NDUFV1: variants seen among roughly 807,000 people sequenced by gnomAD.
The protein encoded by NDUFV1 is NADH:ubiquinone oxidoreductase core subunit V1.
A neutral mutation model predicts 48.7 loss-of-function variants in NDUFV1; 41 were observed. That is an observed-to-expected ratio of 0.84 (90% CI 0.66 to 1.09). The LOEUF (loss-of-function observed/expected upper bound fraction) is 1.09, where lower values mean the gene tolerates loss of function less well. Among genes scored for constraint, NDUFV1 ranks in the 50% least tolerant of loss-of-function variants. NDUFV1 has a pLI of 0.00. For synonymous variants in NDUFV1, 231 were observed against 259.1 expected (o/e 0.89, Z 1.04); for missense variants, 580 against 645.4 (o/e 0.90, Z 1.10).
In NDUFV1 at chr11:67,612,110, G is replaced by A. The variant is rs753770234; in HGVS notation, c.1163-10G>A. On this transcript the variant is annotated splice_polypyrimidine_tract_variant and intron_variant, in intron 8 of 9. Transcript: ENST00000322776. This position sits in a 1 kb window ranked among gnomAD's most constrained non-coding sequence, Gnocchi z 4.4. ...GATCATCAGGCCCTCTCTTGTGGCTGTGGCTGCAGGTGTGGACTGGATGAA... is the reference window on the plus strand; with the variant it reads ...GATCATCAGGCCCTCTCTTGTGGCTATGGCTGCAGGTGTGGACTGGATGAA... 15 of 1,613,692 alleles carry A rather than the reference G, an allele frequency of 9.3e-6. No individual in the cohort carries two copies. The African/African-American group carries it at 1.9e-4, about 20-fold the overall frequency.
chr11:67,612,179 G>A lies in NDUFV1; in HGVS notation c.1222G>A (p.Glu408Lys), dbSNP rs201787156. The A allele has an allele frequency of 1.9e-5, 31 of 1,613,618 alleles. No individual in the cohort carries two copies. The highest frequency in any genetic ancestry group is 1.5e-4 in the Admixed American group (9 of 59,978). ...CGTGAGGGGGGATGCCCGGCCGGCC[G>A]AGATCGACTCCCTGTGGGAGATCAG... The part of the protein sequence containing the change: ...RFVRGDARPA[E>K]IDSLWEISKQ... Residue 408 changes from glutamate (E) to lysine (K), a missense_variant, in exon 9 of 10, where the codon GAG (glutamate) becomes AAG (lysine). Coordinates refer to ENST00000322776, the MANE Select transcript of NDUFV1 (RefSeq NM_007103.4). The surrounding 1 kb of genome is among the most constrained non-coding windows in gnomAD (Gnocchi z 4.4).
intron 1 of NDUFV1, 55 bp from the exon 2 acceptor site, chr11:67,608,341 C>T: frequency 6.6e-7 from 1 of 1,522,812 alleles, no homozygotes; most frequent in Non-Finnish European, 9.1e-7. Context: ...AGCTTCTGGC[C>T]CAATCCCTCA....
intron 4 of NDUFV1, 124 bp downstream of exon 4, chr11:67,609,759 T>C: frequency 8.9e-7 from 1 of 1,127,794 alleles, no homozygotes; most frequent in Non-Finnish European, 1.3e-6. Context: ...GGGGGAGTGG[T>C]GGCCAGTCCT....
At position 67,611,995 on chromosome 11, in the gene NDUFV1, T is replaced by G; in HGVS notation, c.1162+17T>G. The stretch of plus-strand genomic sequence containing the variant: ...GCCGTGAGGGTGAGCATCGGGCAGG[T>G]TGGGGGCTTGCTTGCTGTGGCTTCA... On this transcript the variant is annotated intron_variant, in intron 8 of 9. Coordinates refer to ENST00000322776, the MANE Select transcript of NDUFV1 (RefSeq NM_007103.4). This position sits in a 1 kb window ranked among gnomAD's most constrained non-coding sequence, Gnocchi z 4.2. 1 of 1,613,456 alleles carries G rather than the reference T, an allele frequency of 6.2e-7. No homozygotes were observed. Among genetic ancestry groups the G allele is most frequent in the Non-Finnish European group, 8.5e-7 (1 of 1,179,890 alleles).
intron 1 of NDUFV1, chr11:67,607,282 C>T (rs1004087123): frequency 1.4e-6 from 1 of 713,280 alleles, no homozygotes; most frequent in African/African-American, 1.7e-5. Context: ...GACTTGCTGG[C>T]TTCCCTTGTT....
chr11:67,607,047 C>T lies in NDUFV1; in HGVS notation c.43C>T (p.Arg15Trp), dbSNP rs148352905. 208 of 1,608,950 alleles carry T rather than the reference C, an allele frequency of 1.3e-4. No homozygotes were observed. Among genetic ancestry groups the T allele is most frequent in the Non-Finnish European group, 1.7e-4 (200 of 1,179,216 alleles). Residue 15 changes from arginine (R) to tryptophan (W), a missense_variant, in exon 1 of 10, where the codon CGG (arginine) becomes TGG (tryptophan). Arg to Trp is a moderately radical substitution (Grantham distance 101). Coordinates refer to ENST00000322776, the MANE Select transcript of NDUFV1 (RefSeq NM_007103.4). Reference sequence around the variant, plus strand: ...GCTGCTCGGCTGGTCGCTTCCCGCGCGGGTATCTGTGCGTTTCAGCGGCGA... The same window carrying T: ...GCTGCTCGGCTGGTCGCTTCCCGCGTGGGTATCTGTGCGTTTCAGCGGCGA... ...RRLLGWSLPA[R>W]VSVRFSGDTT...
At position 67,611,174 on chromosome 11, in the gene NDUFV1, G is replaced by A; in HGVS notation, c.880G>A (p.Val294Met). ...TTGCACTGTGGAGGAGGAGATGTCT[G>A]TGCCCTTGAAAGAACTGATTGAGAA... The part of the protein sequence containing the change: ...HPCTVEEEMS[V>M]PLKELIEKHA... Residue 294 changes from valine (V) to methionine (M), a missense_variant, in exon 6 of 10, where the codon GTG becomes ATG. Physicochemically the swap from Val to Met is conservative, Grantham distance 21. Coordinates refer to ENST00000322776, the MANE Select transcript of NDUFV1 (RefSeq NM_007103.4). This position sits in a 1 kb window ranked among gnomAD's most constrained non-coding sequence, Gnocchi z 4.2. The A allele has an allele frequency of 6.2e-7, 1 of 1,614,174 alleles. No individual in the cohort carries two copies. The highest frequency in any genetic ancestry group is 8.5e-7 in the Non-Finnish European group (1 of 1,180,028).
At position 67,612,250 on chromosome 11, in the gene NDUFV1, C is replaced by T. The variant is rs764943429; in HGVS notation, c.1293C>T (p.Ala431=). The T allele has an allele frequency of 2.4e-5, 39 of 1,613,722 alleles. No individual in the cohort carries two copies. Among genetic ancestry groups the T allele is most frequent in the Non-Finnish European group, 3.3e-5 (39 of 1,179,920 alleles). ...CGATTTGTGCTCTGGGTGACGGGGC[C>T]GCCTGGCCTGTGCAGGTATTCACCA... ...GHTICALGDG[A]AWPVQGLIRH... Residue 431 remains alanine (A), a synonymous_variant, in exon 9 of 10, where the codon GCC becomes GCT. Coordinates refer to ENST00000322776, the MANE Select transcript of NDUFV1 (RefSeq NM_007103.4). This position sits in a 1 kb window ranked among gnomAD's most constrained non-coding sequence, Gnocchi z 4.4.
intron 3 of NDUFV1, 110 bp from the exon 4 acceptor site, chr11:67,609,342 G>T (rs1264468221): frequency 2.7e-6 from 3 of 1,131,886 alleles, no homozygotes; most frequent in Non-Finnish European, 3.9e-6. Context: ...TAAAGGATTG[G>T]CTGTCAGAGG....
chr11:67,611,415 G>A lies in NDUFV1; in HGVS notation c.926G>A (p.Gly309Asp). The change falls in exon 7 of 10, where the codon GGC becomes GAC. Residue 309 changes from glycine (G) to aspartate (D), a missense_variant. Transcript: ENST00000322776. The surrounding 1 kb of genome is among the most constrained non-coding windows in gnomAD (Gnocchi z 4.2). ...CTTGGGGCCCCAGGGGGTGTCACGG[G>A]CGGCTGGGACAACCTCCTTGCTGTG... Reference protein sequence around the residue: ...LIEKHAGGVTGGWDNLLAVIP... With the variant: ...LIEKHAGGVTDGWDNLLAVIP... 5 of 1,613,880 alleles carry A rather than the reference G, an allele frequency of 3.1e-6. No homozygotes were observed. Among genetic ancestry groups the A allele is most frequent in the Non-Finnish European group, 4.2e-6 (5 of 1,179,988 alleles).
chr11:67,610,368 C>T lies in NDUFV1; in HGVS notation c.511-13C>T. The T allele has an allele frequency of 6.2e-7, 1 of 1,614,130 alleles. No homozygotes were observed. Among genetic ancestry groups the T allele is most frequent in the Non-Finnish European group, 8.5e-7 (1 of 1,180,022 alleles). On this transcript the variant is annotated splice_polypyrimidine_tract_variant and intron_variant, in intron 4 of 9. Transcript: ENST00000322776. The stretch of plus-strand genomic sequence containing the variant: ...TGGGGGTGGGCTGGGAAACTCACAC[C>T]TTTGTCCTGCAGGTGGCCATCCGAG...
chr11:67,607,853 A>G (rs1427290120), intron 1 of NDUFV1, among the ~76,000 whole-genome samples: 1 of 152,208 alleles, frequency 6.6e-6, no homozygotes, highest in Non-Finnish European at 1.5e-5. Flanking sequence ...AACAGAGAAA[A>G]TCGTTCCTAT....
intron 3 of NDUFV1, 39 bp from the exon 4 acceptor site, chr11:67,609,413 G>C (rs1301144457): frequency 1.4e-5 from 23 of 1,607,976 alleles, no homozygotes; most frequent in Non-Finnish European, 1.9e-5. Flanking sequence ...ACCCAGTCCT[G>C]ATGGCCCTGT....
rs1370196574 is a variant in NDUFV1, at chr11:67,609,607, A to T, written c.482A>T (p.Glu161Val). ...ARAAYIYIRGEFYNEASNLQV... is the reference protein window; with the variant it reads ...ARAAYIYIRGVFYNEASNLQV... ...GCTGCCTATATCTACATCCGAGGGG[A>T]ATTCTACAATGAGGCCTCCAATCTG... Residue 161 changes from glutamate (E) to valine (V), a missense_variant, in exon 4 of 10, where the codon GAA becomes GTA. Transcript: ENST00000322776. 5.6e-6 allele frequency: 9 copies of T among 1,607,620 alleles called. No individual in the cohort carries two copies. The highest frequency in any genetic ancestry group is 8.5e-7 in the Non-Finnish European group (1 of 1,179,976).
In NDUFV1 at chr11:67,608,390, C is replaced by T. The variant is rs768190593; in HGVS notation, c.73-6C>T. 1.2e-6 allele frequency: 2 copies of T among 1,613,716 alleles called. No homozygotes were observed. Among genetic ancestry groups the T allele is most frequent in the Non-Finnish European group, 1.7e-6 (2 of 1,179,654 alleles). ...CTCTGGGCCTCCTGACCCTTTGTCT[C>T]CCTAGACAGCACCCAAGAAAACCTC... On this transcript the variant is annotated splice_polypyrimidine_tract_variant and splice_region_variant and intron_variant, in intron 1 of 9. Coordinates refer to ENST00000322776, the MANE Select transcript of NDUFV1 (RefSeq NM_007103.4).
intron 1 of NDUFV1, chr11:67,607,422 C>G (rs1012569397): frequency 9.6e-6 from 5 of 518,188 alleles, no homozygotes; most frequent in African/African-American, 7.7e-5. Flanking sequence ...CTCCTGATTT[C>G]CCGTCCACTG....
At position 67,611,993 on chromosome 11, in the gene NDUFV1, G is replaced by T; in HGVS notation, c.1162+15G>T. On this transcript the variant is annotated intron_variant, in intron 8 of 9. Transcript: ENST00000322776. The surrounding 1 kb of genome is among the most constrained non-coding windows in gnomAD (Gnocchi z 4.2). ...ATGCCGTGAGGGTGAGCATCGGGCA[G>T]GTTGGGGGCTTGCTTGCTGTGGCTT... 1 of 1,613,904 alleles carries T rather than the reference G, an allele frequency of 6.2e-7. No individual in the cohort carries two copies. Among genetic ancestry groups the T allele is most frequent in the East Asian group, 2.2e-5 (1 of 44,834 alleles).
Position 67,611,660 on chromosome 11 carries a change from G to A in NDUFV1, c.1080+91G>A, listed in dbSNP as rs1304852715. On this transcript the variant is annotated intron_variant, in intron 7 of 9. Coordinates refer to ENST00000322776, the MANE Select transcript of NDUFV1 (RefSeq NM_007103.4). This position sits in a 1 kb window ranked among gnomAD's most constrained non-coding sequence, Gnocchi z 4.2. ...CAGAAAACCCTCTTGCCAGCACTCA[G>A]GTCTCAGTTCCTGCAGCCTGAGATA... The A allele has an allele frequency of 6.5e-7, 1 of 1,534,502 alleles. No individual in the cohort carries two copies. Among genetic ancestry groups the A allele is most frequent in the Non-Finnish European group, 8.8e-7 (1 of 1,134,494 alleles).
At position 67,610,377 on chromosome 11, in the gene NDUFV1, G is replaced by C; in HGVS notation, c.511-4G>C. On this transcript the variant is annotated splice_polypyrimidine_tract_variant and splice_region_variant and intron_variant, in intron 4 of 9. Transcript: ENST00000322776. ...GCTGGGAAACTCACACCTTTGTCCT[G>C]CAGGTGGCCATCCGAGAGGCCTATG... 6.2e-7 allele frequency: 1 copy of C among 1,614,168 alleles called. No individual in the cohort carries two copies. Among genetic ancestry groups the C allele is most frequent in the Non-Finnish European group, 8.5e-7 (1 of 1,180,022 alleles).
Sources: gnomAD v4.1 joint callset for allele counts (sites outside exome capture counted in the v4.1 genomes callset) on GRCh38, gnomAD v4.1.1 for gene constraint, Gnocchi (gnomAD v3.1) non-coding constraint, MANE v1.5 for transcripts, NCBI Gene and HGNC (gene_info 2026-07-23, HGNC 2026-07-21) for gene names.